Variants in HS6ST3 observed in about 807,000 individuals in gnomAD.
HS6ST3 encodes the protein heparan-sulfate 6-O-sulfotransferase 3.
HS6ST3 carries 12 observed loss-of-function variants against 36.7 expected under a neutral mutation model. The observed-to-expected ratio is 0.33, with a 90% CI of 0.21 to 0.53. The LOEUF (loss-of-function observed/expected upper bound fraction) is 0.53. Among genes scored for constraint, HS6ST3 ranks in the 20% least tolerant of loss-of-function variants. The probability of loss-of-function intolerance (pLI) is 0.95; values close to 1 mark genes in which losing one functional copy is unlikely to be tolerated. For synonymous variants in HS6ST3, 240 were observed against 257.5 expected (o/e 0.93, Z 0.65); for missense variants, 584 against 640.9 (o/e 0.91, Z 0.96).
chr13:96,318,423 T>G (rs1371998442), intron 1 of HS6ST3, among the ~76,000 whole-genome samples: 2 of 152,196 alleles, frequency 1.3e-5, no homozygotes, highest in East Asian at 1.9e-4. Flanking sequence ...TCCCAGCTAC[T>G]TGGGAGGCTG....
chr13:96,636,426 C>T (rs1209943127), intron 1 of HS6ST3, among the ~76,000 whole-genome samples: 1 of 152,122 alleles, frequency 6.6e-6, no homozygotes, highest in Non-Finnish European at 1.5e-5. Flanking sequence ...CCACACAGGG[C>T]TGAGAGGAGA....
intron 1 of HS6ST3, among the ~76,000 whole-genome samples, chr13:96,607,722 A>C (rs2056443946): frequency 6.6e-6 from 1 of 152,154 alleles, no homozygotes; most frequent in South Asian, 2.1e-4. Flanking sequence ...ATATGGAAAA[A>C]ACTAATGAAT....
intron 1 of HS6ST3, among the ~76,000 whole-genome samples, chr13:96,114,636 A>G (rs1236736439): frequency 1.3e-5 from 2 of 152,194 alleles, no homozygotes; most frequent in African/African-American, 2.4e-5. Context: ...TTTGAGGATT[A>G]CATGAGCTAG....
intron 1 of HS6ST3, among the ~76,000 whole-genome samples, chr13:96,322,373 C>A (rs1036243460): frequency 1.7e-5 from 2 of 119,874 alleles, no homozygotes; most frequent in African/African-American, 6.6e-5. Context: ...GGAGAAATCC[C>A]ATCTCTCCAG....
chr13:96,530,595 T>C (rs1337613093), intron 1 of HS6ST3, among the ~76,000 whole-genome samples: 6 of 151,850 alleles, frequency 4.0e-5, no homozygotes, highest in African/African-American at 1.2e-4. Context: ...CTGGACCTCC[T>C]GGGCTCAAGT....
chr13:96,311,952 AT>A (rs34625432), intron 1 of HS6ST3, among the ~76,000 whole-genome samples: 54,258 of 150,454 alleles, frequency 0.36, 9,980 homozygotes, highest in African/African-American at 0.42. Context: ...TATTAAGTTC[AT>A]TTTTTTTTTG....
At chr13:96,676,007 G>A (rs927877277) in intron 1 of HS6ST3, among the ~76,000 whole-genome samples, 1 of 152,064 alleles carries the variant, frequency 6.6e-6, no homozygotes, top group African/African-American at 2.4e-5. Flanking sequence ...GTTCCCCTCA[G>A]GTCACTTGAT....
intron 1 of HS6ST3, among the ~76,000 whole-genome samples, chr13:96,526,515 A>C (rs530932304): frequency 6.6e-5 from 10 of 152,296 alleles, no homozygotes; most frequent in African/African-American, 2.4e-4. Context: ...GGTATCAGTG[A>C]AGATTCTCAG....
intron 1 of HS6ST3, among the ~76,000 whole-genome samples, chr13:96,718,487 G>T (rs1023497209): frequency 2.6e-5 from 4 of 152,020 alleles, no homozygotes; most frequent in Admixed American, 1.3e-4. Flanking sequence ...ACAACAAAAA[G>T]GGCAAAAAAG....
At chr13:96,701,458 A>G (rs1875282444) in intron 1 of HS6ST3, among the ~76,000 whole-genome samples, 1 of 152,208 alleles carries the variant, frequency 6.6e-6, no homozygotes, top group Non-Finnish European at 1.5e-5. Context: ...GGTTAAATAT[A>G]CACACTTAAC....
intron 1 of HS6ST3, among the ~76,000 whole-genome samples, chr13:96,590,099 G>T (rs182884803): frequency 1.3e-5 from 2 of 152,090 alleles, no homozygotes; most frequent in Admixed American, 6.6e-5. Flanking sequence ...GGACACTTGG[G>T]TTGCTTCCAC....
intron 1 of HS6ST3, among the ~76,000 whole-genome samples, chr13:96,122,761 G>A (rs1257094616): frequency 6.6e-6 from 1 of 152,118 alleles, no homozygotes; most frequent in Non-Finnish European, 1.5e-5. Flanking sequence ...CTGGGGCTGT[G>A]GTTATGAGGA....
intron 1 of HS6ST3, among the ~76,000 whole-genome samples, chr13:96,297,205 A>G (rs1365979898): frequency 6.6e-6 from 1 of 152,144 alleles, no homozygotes; most frequent in Non-Finnish European, 1.5e-5. Context: ...AAGTATTTCT[A>G]ATAAATACAT....
intron 1 of HS6ST3, among the ~76,000 whole-genome samples, chr13:96,361,029 A>T (rs562823298): frequency 6.6e-6 from 1 of 152,140 alleles, no homozygotes; most frequent in Non-Finnish European, 1.5e-5. Flanking sequence ...AAAGACTAAG[A>T]TACTGGAAAC....
intron 1 of HS6ST3, among the ~76,000 whole-genome samples, chr13:96,723,655 A>G (rs1594845327): frequency 6.6e-6 from 1 of 152,122 alleles, no homozygotes; most frequent in East Asian, 1.9e-4. Flanking sequence ...TTACTGGGTA[A>G]TTCCTGTGTT....
intron 1 of HS6ST3, among the ~76,000 whole-genome samples, chr13:96,781,069 C>A (rs1347695710): frequency 6.6e-6 from 1 of 152,138 alleles, no homozygotes; most frequent in Non-Finnish European, 1.5e-5. Context: ...AGGCAGATAG[C>A]TGTGTCTGTC....
chr13:96,403,870 C>G (rs2055463788), intron 1 of HS6ST3, among the ~76,000 whole-genome samples: 1 of 152,156 alleles, frequency 6.6e-6, no homozygotes, highest in Non-Finnish European at 1.5e-5. Flanking sequence ...AGAGCTGTCC[C>G]TAATTCCATA....
chr13:96,435,700 G>T (rs549404473), intron 1 of HS6ST3, among the ~76,000 whole-genome samples: 2 of 152,168 alleles, frequency 1.3e-5, no homozygotes, highest in South Asian at 4.1e-4. Context: ...TTCTAAGTAG[G>T]GTCCTTTCCC....
In HS6ST3 at chr13:96,277,133, A is replaced by G. The variant is rs1209690390; in HGVS notation, c.707+185564A>G. Among the ~76,000 whole-genome samples the G allele has an allele frequency of 3.3e-5, 5 of 152,168 alleles. No homozygotes were observed. The South Asian group carries it at 1.0e-3, about 31-fold the overall frequency. On this transcript the variant is annotated intron_variant, in intron 1 of 1. Coordinates refer to ENST00000376705, the MANE Select transcript of HS6ST3 (RefSeq NM_153456.4). ...AGTCCCTGTTTGGACATATTCAAAA[A>G]TAAGTTGTTTTCTTTCTGGGATGCC...
Sources: gnomAD v4.1 joint callset for allele counts (sites outside exome capture counted in the v4.1 genomes callset) on GRCh38, gnomAD v4.1.1 for gene constraint, MANE v1.5 for transcripts, NCBI Gene and HGNC (gene_info 2026-07-23, HGNC 2026-07-21) for gene names.